MAST4: variants seen among roughly 807,000 people sequenced by gnomAD.
MAST4 encodes microtubule associated serine/threonine kinase family member 4.
Under a neutral mutation model 162.7 loss-of-function variants are expected in MAST4, and 89 were observed. That is an observed-to-expected ratio of 0.55 (90% CI 0.46 to 0.65). The LOEUF (loss-of-function observed/expected upper bound fraction) is 0.65. Among genes scored for constraint, MAST4 ranks in the 30% least tolerant of loss-of-function variants. The pLI is 0.00. For synonymous variants in MAST4, 1,479 were observed against 1,361.1 expected (o/e 1.09, Z -1.91); for missense variants, 3,153 against 3,374.0 (o/e 0.93, Z 1.62).
At chr5:67,108,441 T>A (rs1240057470) in intron 10 of MAST4, among the ~76,000 whole-genome samples, 1 of 152,174 alleles carries the variant, frequency 6.6e-6, no homozygotes, top group Non-Finnish European at 1.5e-5. Context: ...ATTCACTGGA[T>A]CTTCCAAAAA....
chr5:66,751,082 G>T (rs1262072881), intron 1 of MAST4, among the ~76,000 whole-genome samples: 9 of 151,982 alleles, frequency 5.9e-5, no homozygotes, highest in Middle Eastern at 3.5e-3. Flanking sequence ...TGCAGCTGAG[G>T]GTCCTGTCTG....
At chr5:66,627,637 A>G (rs528497511) in intron 1 of MAST4, among the ~76,000 whole-genome samples, 30 of 152,276 alleles carry the variant, frequency 2.0e-4, no homozygotes, top group Admixed American at 1.9e-3. Flanking sequence ...AATGACTGCC[A>G]TCTTTCTTCT....
chr5:66,740,197 G>A (rs976241249), intron 1 of MAST4, among the ~76,000 whole-genome samples: 1 of 152,196 alleles, frequency 6.6e-6, no homozygotes, highest in Admixed American at 6.5e-5. Flanking sequence ...GAAAGCATTA[G>A]AGGCTGATGT....
At chr5:66,919,954 TTCCTTCCTTCCTTCCTTCC>T (rs879782150) in intron 4 of MAST4, among the ~76,000 whole-genome samples, 3,025 of 89,272 alleles carry the variant, frequency 0.034, 89 homozygotes, top group South Asian at 0.11. Flanking sequence ...CCTTCCTTCC[TTCCTTCCTTCCTTCCTTCC>T]TTCTTTCTCT....
intron 5 of MAST4, among the ~76,000 whole-genome samples, chr5:67,070,577 A>G (rs80035943): frequency 0.034 from 5,146 of 152,284 alleles, 254 homozygotes; most frequent in African/African-American, 0.1. Flanking sequence ...TTTGATAGCT[A>G]ATCATGCATT....
intron 1 of MAST4, among the ~76,000 whole-genome samples, chr5:66,647,723 T>C (rs1745934077): frequency 6.6e-6 from 1 of 152,022 alleles, no homozygotes; most frequent in African/African-American, 2.4e-5. Flanking sequence ...AAGTAAATGC[T>C]CAATTATATA....
chr5:66,792,921 A>G (rs893270637), intron 3 of MAST4, among the ~76,000 whole-genome samples: 6 of 152,230 alleles, frequency 3.9e-5, no homozygotes, highest in African/African-American at 1.4e-4. Flanking sequence ...TTATGTCCAG[A>G]TGATAGCATT....
intron 3 of MAST4, among the ~76,000 whole-genome samples, chr5:66,852,034 AAAATATATAAT>A (rs1210298291): frequency 6.6e-6 from 1 of 152,218 alleles, no homozygotes; most frequent in Non-Finnish European, 1.5e-5. Flanking sequence ...GACTATTTTG[AAAATATATAAT>A]AATCTACCAT....
intron 1 of MAST4, among the ~76,000 whole-genome samples, chr5:66,693,687 G>A (rs920201376): frequency 1.6e-5 from 1 of 64,104 alleles, no homozygotes; most frequent in Non-Finnish European, 2.8e-5. Flanking sequence ...GCTATCAAAT[G>A]TCTTAAGATT....
At chr5:67,024,415 A>G (rs1195437782) in intron 4 of MAST4, among the ~76,000 whole-genome samples, 2 of 151,102 alleles carry the variant, frequency 1.3e-5, no homozygotes, top group Non-Finnish European at 2.9e-5. Flanking sequence ...CACATACATA[A>G]TCGTGCAAGC....
chr5:66,890,453 A>G (rs559327532), intron 3 of MAST4, among the ~76,000 whole-genome samples: 138 of 152,306 alleles, frequency 9.1e-4, no homozygotes, highest in Non-Finnish European at 1.5e-3. Flanking sequence ...AATTGACTAG[A>G]AAGGAAGCTT....
chr5:66,681,453 G>C (rs900549440), intron 1 of MAST4, among the ~76,000 whole-genome samples: 1 of 152,164 alleles, frequency 6.6e-6, no homozygotes, highest in African/African-American at 2.4e-5. Context: ...GCAGGTTCCT[G>C]GGCCCTACTC....
intron 1 of MAST4, among the ~76,000 whole-genome samples, chr5:66,705,955 G>T (rs556209872): frequency 6.6e-6 from 1 of 152,134 alleles, no homozygotes; most frequent in Non-Finnish European, 1.5e-5. Flanking sequence ...TTAGTAAGGC[G>T]AAGTAACTTT....
chr5:66,824,613 GT>G (rs1408079090), intron 3 of MAST4, among the ~76,000 whole-genome samples: 1 of 152,238 alleles, frequency 6.6e-6, no homozygotes, highest in Non-Finnish European at 1.5e-5. Context: ...CACAGAACTA[GT>G]GAAGAGAGGT....
At chr5:66,748,393 T>TTTCC (rs1561302614) in intron 1 of MAST4, among the ~76,000 whole-genome samples, 1 of 29,552 alleles carries the variant, frequency 3.4e-5, no homozygotes, top group African/African-American at 1.3e-4. Context: ...TCCTTCCTTC[T>TTTCC]TTCCTTCCTT....
At chr5:67,088,341 C>T (rs1763476501) in intron 5 of MAST4, among the ~76,000 whole-genome samples, 4 of 152,108 alleles carry the variant, frequency 2.6e-5, no homozygotes, top group Admixed American at 1.3e-4. Flanking sequence ...CTTAGAATGT[C>T]TTGGCTTCAG....
intron 4 of MAST4, among the ~76,000 whole-genome samples, chr5:66,942,410 A>G (rs1205908648): frequency 2.6e-5 from 4 of 152,178 alleles, no homozygotes; most frequent in African/African-American, 9.6e-5. Context: ...CTGTTGGGGA[A>G]TCCCAGTTAG....
chr5:66,707,912 T>C (rs890585989), intron 1 of MAST4, among the ~76,000 whole-genome samples: 1 of 152,154 alleles, frequency 6.6e-6, no homozygotes, highest in African/African-American at 2.4e-5. Context: ...AGGAGTGCTT[T>C]ATGAAAGACT....
chr5:66,887,961 C>A (rs1762142760), intron 3 of MAST4, among the ~76,000 whole-genome samples: 1 of 152,130 alleles, frequency 6.6e-6, no homozygotes, highest in East Asian at 1.9e-4. Context: ...GTAATCCCAG[C>A]ACTTTGGGAG....
Sources: allele counts gnomAD v4.1 joint callset (sites outside exome capture counted in the v4.1 genomes callset), GRCh38; gene constraint gnomAD v4.1.1; transcripts MANE v1.5; gene names NCBI Gene and HGNC (gene_info 2026-07-23, HGNC 2026-07-21).